Variants in CASP6 observed in about 807,000 individuals in gnomAD.
The protein encoded by CASP6 is caspase-6.
In CASP6, 20 loss-of-function variants were observed where a neutral mutation model predicts 31.8. The ratio of observed to expected loss-of-function variants is 0.63; its 90% CI spans 0.44 to 0.91. The LOEUF is 0.91. Ranked by LOEUF, CASP6 falls within the 40% of genes least tolerant of loss-of-function variation. CASP6 has a pLI of 0.00. For missense variants in CASP6, 328 were observed against 361.1 expected (o/e 0.91, Z 0.74); for synonymous variants, 130 against 127.8 (o/e 1.02, Z -0.12).
chr4:109,692,303 T>C (rs1475016749), intron 5 of CASP6: 2 of 152,208 alleles, frequency 1.3e-5, no homozygotes, highest in Non-Finnish European at 2.9e-5. Flanking sequence ...AGCGAGCCTT[T>C]ACTGAGGGCG....
chr4:109,703,545 C>G, upstream of CASP6: 1 of 999,342 alleles, frequency 1.0e-6, no homozygotes, highest in East Asian at 2.7e-5. Context: ...GCCGCCCGGG[C>G]TCCCGTGGAT....
At chr4:109,691,057 C>A in intron 5 of CASP6, 48 bp from the exon 6 acceptor site, 1 of 1,567,958 alleles carries the variant, frequency 6.4e-7, no homozygotes, top group Non-Finnish European at 8.6e-7. Flanking sequence ...CTGTTTCCTT[C>A]CCAGTGCTTA....
upstream of CASP6, chr4:109,703,670 T>TA: frequency 1.9e-6 from 1 of 530,152 alleles, no homozygotes; most frequent in South Asian, 2.6e-5. Context: ...CCGCTGGGAC[T>TA]AACCGTGCCC....
upstream of CASP6, among the ~76,000 whole-genome samples, chr4:109,705,596 A>C (rs1452762046): frequency 6.6e-6 from 1 of 152,190 alleles, no homozygotes; most frequent in Non-Finnish European, 1.5e-5. Flanking sequence ...GATGCCATTA[A>C]GAACATTTGT....
the CASP6 span, among the ~76,000 whole-genome samples, chr4:109,679,097 G>A: frequency 2.0e-4 from 30 of 148,392 alleles, no homozygotes; most frequent in Non-Finnish European, 3.4e-4. Context: ...AGGGGCAGCC[G>A]GGCAGAGGCA....
chr4:109,695,424 A>C (rs866954673), intron 4 of CASP6, among the ~76,000 whole-genome samples: 18 of 152,298 alleles, frequency 1.2e-4, no homozygotes, highest in Admixed American at 4.6e-4. Context: ...ACTGCTGCTC[A>C]ACAGCTCCCC....
At chr4:109,683,827 C>G (rs369279361), downstream of CASP6, among the ~76,000 whole-genome samples, 193 of 152,250 alleles carry the variant, frequency 1.3e-3, 2 homozygotes, top group Middle Eastern at 0.01. Flanking sequence ...ATTGCTGAGT[C>G]AAATAGGCCT....
At chr4:109,684,697 G>A (rs533765427), downstream of CASP6, 41 of 875,042 alleles carry the variant, frequency 4.7e-5, no homozygotes, top group East Asian at 9.4e-4. Flanking sequence ...TGCAAAGAAT[G>A]TCTTATCTAA....
chr4:109,678,969 CATTCGGGGCAGCCAGGCAG>C, the CASP6 span, among the ~76,000 whole-genome samples: 1 of 149,322 alleles, frequency 6.7e-6, no homozygotes, highest in East Asian at 2.0e-4. Flanking sequence ...CCTCACTTCC[CATTCGGGGCAGCCAGGCAG>C]AGACAGTCCT....
At chr4:109,664,535 C>G in the CASP6 span, 1 of 556,784 alleles carries the variant, frequency 1.8e-6, no homozygotes, top group Non-Finnish European at 3.2e-6. Context: ...AACAATCCTC[C>G]CACCTCAGCC....
At chr4:109,664,725 G>T in the CASP6 span, among the ~76,000 whole-genome samples, 1 of 152,122 alleles carries the variant, frequency 6.6e-6, no homozygotes, top group Non-Finnish European at 1.5e-5. Flanking sequence ...AGATGACCAA[G>T]AAGTCTTTGG....
In CASP6 at chr4:109,691,029, A is replaced by G; in HGVS notation, c.484-20T>C. The G allele has an allele frequency of 6.3e-7, 1 of 1,598,870 alleles. No homozygotes were observed. Among genetic ancestry groups the G allele is most frequent in the Non-Finnish European group, 8.5e-7 (1 of 1,172,498 alleles). On this transcript the variant is annotated intron_variant, in intron 5 of 6. Coordinates refer to ENST00000265164, the MANE Select transcript of CASP6 (RefSeq NM_001226.4). ...ACATGCCTACAAGACAAGGAGGAAA[A>G]ACCCACCTCTTTGCCTACTGTTTCC...
Position 109,690,961 on chromosome 4 carries a change from C to T in CASP6, c.532G>A (p.Val178Ile). The change falls in exon 6 of 7, where the codon GTA becomes ATA. Residue 178 changes from valine to isoleucine, a missense_variant. Transcript: ENST00000265164. ...HDVPVIPLDV[V>I]DNQTEKLDTN... is the part of the protein sequence containing the mutation. ...TCCAACTTCTCTGTCTGATTATCTA[C>T]TACATCCAAAGGAATGACTGGCACA... 3 of 1,613,920 alleles carry T rather than the reference C, an allele frequency of 1.9e-6. No individual in the cohort carries two copies. Among genetic ancestry groups the T allele is most frequent in the Non-Finnish European group, 2.5e-6 (3 of 1,179,898 alleles).
At chr4:109,672,710 G>A in the CASP6 span, among the ~76,000 whole-genome samples, 1 of 152,174 alleles carries the variant, frequency 6.6e-6, no homozygotes, top group Non-Finnish European at 1.5e-5. Flanking sequence ...CATCAACAGG[G>A]AGGGAATTTA....
chr4:109,698,934 C>T (rs1479628329), intron 1 of CASP6, among the ~76,000 whole-genome samples: 6 of 152,220 alleles, frequency 3.9e-5, no homozygotes, highest in Non-Finnish European at 7.3e-5. Flanking sequence ...GGACAGCCTT[C>T]CACTGAATTC....
chr4:109,665,418 A>G, the CASP6 span, among the ~76,000 whole-genome samples: 7,692 of 152,208 alleles, frequency 0.051, 676 homozygotes, highest in African/African-American at 0.18. Flanking sequence ...TAGTTGTTTC[A>G]TTTAAAGTTG....
At chr4:109,709,032 TG>T in the CASP6 span, among the ~76,000 whole-genome samples, 1 of 152,322 alleles carries the variant, frequency 6.6e-6, no homozygotes, top group Non-Finnish European at 1.5e-5. Context: ...AACTCTTTGT[TG>T]TAAAATGAGG....
the CASP6 span, among the ~76,000 whole-genome samples, chr4:109,709,127 T>G: frequency 3.0e-4 from 46 of 152,226 alleles, no homozygotes; most frequent in African/African-American, 1.1e-3. Context: ...TTCAGTACAT[T>G]AGTTATTTTC....
the CASP6 span, among the ~76,000 whole-genome samples, chr4:109,669,173 T>C: frequency 1.3e-5 from 2 of 152,204 alleles, no homozygotes; most frequent in Non-Finnish European, 2.9e-5. Flanking sequence ...CTTGCTTTTC[T>C]CTGAAGAACT....
Sources: allele counts gnomAD v4.1 joint callset (sites outside exome capture counted in the v4.1 genomes callset), GRCh38; gene constraint gnomAD v4.1.1; transcripts MANE v1.5; gene names NCBI Gene and HGNC (gene_info 2026-07-23, HGNC 2026-07-21).